The following ADCY10 variants were observed in gnomAD, a reference collection of about 807,000 sequenced individuals.
ADCY10 encodes the protein adenylate cyclase 10.
A neutral mutation model predicts 183.3 loss-of-function variants in ADCY10; 156 were observed. That is an observed-to-expected ratio of 0.85 (90% CI 0.75 to 0.97). The LOEUF is 0.97. Among genes scored for constraint, ADCY10 ranks in the 50% least tolerant of loss-of-function variants. The pLI, the probability that ADCY10 is intolerant of heterozygous loss-of-function variation, is 0.00. For missense variants in ADCY10, 1,745 were observed against 1,934.3 expected (o/e 0.90, Z 1.84); for synonymous variants, 645 against 670.0 (o/e 0.96, Z 0.58).
chr1:167,866,127 A>G (rs1246896543), intron 14 of ADCY10, among the ~76,000 whole-genome samples: 1 of 152,176 alleles, frequency 6.6e-6, no homozygotes, highest in Admixed American at 6.5e-5. Flanking sequence ...GTGTGGTGGT[A>G]TTGTGGTGGA....
chr1:167,867,977 C>T (rs1200248865), intron 14 of ADCY10, among the ~76,000 whole-genome samples: 3 of 152,026 alleles, frequency 2.0e-5, no homozygotes, highest in African/African-American at 7.3e-5. Context: ...TTAGTAATTA[C>T]AAATCCCTTA....
At chr1:167,898,382 C>A (rs1332909018) in intron 6 of ADCY10, among the ~76,000 whole-genome samples, 1 of 151,768 alleles carries the variant, frequency 6.6e-6, no homozygotes, top group Admixed American at 6.6e-5. Context: ...GGGTGGATCA[C>A]GAAGTCAGGA....
In ADCY10 at chr1:167,905,214, A is replaced by G; in HGVS notation, c.-58-16T>C. On this transcript the variant is annotated splice_polypyrimidine_tract_variant and intron_variant, in intron 1 of 32. Transcript: ENST00000367851. ...AATAGGTCTTCTAAAAAGAAAATTGAAATAGAGGAAATCTGATATATTCAT... is the reference window on the plus strand; with the variant it reads ...AATAGGTCTTCTAAAAAGAAAATTGGAATAGAGGAAATCTGATATATTCAT... 6.7e-7 allele frequency: 1 copy of G among 1,503,670 alleles called. No individual in the cohort carries two copies. 93.1% of individuals were successfully genotyped at this position (1,503,670 alleles called of 1,614,324 possible).
chr1:167,901,430 T>A (rs1415640682), intron 5 of ADCY10, among the ~76,000 whole-genome samples: 1 of 152,216 alleles, frequency 6.6e-6, no homozygotes. Flanking sequence ...CCATACCAAC[T>A]AATTTACTTT....
Position 167,899,498 on chromosome 1 carries a change from C to T in ADCY10, c.567G>A (p.Leu189=), listed in dbSNP as rs1467033036. ...CACAGAGCTGCCAGCAGTTTGGTGA[C>T]AGAATAACATCATTCATCTGAGCCA... is the stretch of plus-strand genomic sequence containing the variant. ...QNMAQMNDVI[L]SPNCWQLCDR... is the part of the protein sequence containing the mutation. The change falls in exon 6 of 33, where the codon CTG becomes CTA. Residue 189 remains leucine, a synonymous_variant. Coordinates refer to ENST00000367851, the MANE Select transcript of ADCY10 (RefSeq NM_018417.6). 1.2e-6 allele frequency: 2 copies of T among 1,614,086 alleles called. No homozygotes were observed. The highest frequency in any genetic ancestry group is 1.7e-6 in the Non-Finnish European group (2 of 1,180,042).
rs369627970 is a variant in ADCY10 at position 167,846,277 on chromosome 1, G to T, written c.2438-14C>A. On this transcript the variant is annotated splice_polypyrimidine_tract_variant and intron_variant, in intron 19 of 32. Coordinates refer to ENST00000367851, the MANE Select transcript of ADCY10 (RefSeq NM_018417.6). ...TCAGAGAGATTTCTGCAGGTAGAAGGCCACACAGTAGAAAACTAGTTATTT... is the reference window on the plus strand; with the variant it reads ...TCAGAGAGATTTCTGCAGGTAGAAGTCCACACAGTAGAAAACTAGTTATTT... 9.3e-6 allele frequency: 15 copies of T among 1,613,904 alleles called. No individual in the cohort carries two copies. Among genetic ancestry groups the T allele is most frequent in the African/African-American group, 1.3e-5 (1 of 74,916 alleles).
chr1:167,829,570 A>G, intron 25 of ADCY10, 147 bp from the exon 26 acceptor site: 1 of 852,308 alleles, frequency 1.2e-6, no homozygotes, highest in Non-Finnish European at 1.9e-6. Flanking sequence ...CTGACAAACA[A>G]GCACATTAAT....
intron 12 of ADCY10, among the ~76,000 whole-genome samples, chr1:167,875,713 G>A (rs1320399007): frequency 6.6e-6 from 1 of 152,246 alleles, no homozygotes; most frequent in East Asian, 1.9e-4. Flanking sequence ...CCCTTTGGGA[G>A]GCCGAGGTGG....
At chr1:167,850,289 C>A (rs976804703) in intron 18 of ADCY10, among the ~76,000 whole-genome samples, 3 of 151,714 alleles carry the variant, frequency 2.0e-5, no homozygotes, top group Admixed American at 2.0e-4. Flanking sequence ...GACAGAGACA[C>A]GAAGTACAGA....
chr1:167,881,978 A>G (rs914207286), intron 9 of ADCY10, among the ~76,000 whole-genome samples: 2 of 152,200 alleles, frequency 1.3e-5, no homozygotes, highest in Admixed American at 6.5e-5. Context: ...TTGTGTCAAT[A>G]TATGTGTTAC....
At chr1:167,909,350 A>C (rs1670008789) in intron 1 of ADCY10, among the ~76,000 whole-genome samples, 7 of 152,106 alleles carry the variant, frequency 4.6e-5, no homozygotes. Flanking sequence ...ATTCTTATTC[A>C]TGTGTTTTGG....
intron 7 of ADCY10, among the ~76,000 whole-genome samples, 162 bp downstream of exon 7, chr1:167,896,433 T>A (rs1233227124): frequency 6.6e-6 from 1 of 151,974 alleles, no homozygotes; most frequent in East Asian, 1.9e-4. Flanking sequence ...ATACTTAGAA[T>A]TGCTGTCCCG....
rs1669236000 is a variant in ADCY10 at position 167,899,460 on chromosome 1, A to G, written c.605T>C (p.Ile202Thr). 3.1e-6 allele frequency: 5 copies of G among 1,614,086 alleles called. No individual in the cohort carries two copies. Among genetic ancestry groups the G allele is most frequent in the Non-Finnish European group, 4.2e-6 (5 of 1,180,060 alleles). The change falls in exon 6 of 33, where the codon ATT (isoleucine) becomes ACT (threonine). Residue 202 changes from isoleucine (I) to threonine (T), a missense_variant. By Grantham distance (89) the Ile-to-Thr change is moderately conservative (BLOSUM62 -1). Transcript: ENST00000367851. The stretch of plus-strand genomic sequence containing the variant: ...CTGATCTGGAACACTCTCAATTTCA[A>G]TCATGCTCCGGTCACAGAGCTGCCA... Reference protein sequence around the residue: ...NCWQLCDRSMIEIESVPDQRA... With the variant: ...NCWQLCDRSMTEIESVPDQRA...
At chr1:167,879,340 G>A (rs940720353) in intron 11 of ADCY10, among the ~76,000 whole-genome samples, 2 of 152,162 alleles carry the variant, frequency 1.3e-5, no homozygotes, top group Admixed American at 1.3e-4. Flanking sequence ...CTGCTTGTAA[G>A]CCTTCAATTA....
At chr1:167,882,501 AAAAG>A (rs1265363161) in intron 9 of ADCY10, among the ~76,000 whole-genome samples, 1 of 151,774 alleles carries the variant, frequency 6.6e-6, no homozygotes. Flanking sequence ...AAAAAAAAAA[AAAAG>A]AACAGAGCGA....
rs1399262154 is a variant in ADCY10, at chr1:167,823,223, G to A, written c.4053-100C>T. On this transcript the variant is annotated intron_variant, in intron 28 of 32. Transcript: ENST00000367851. ...GGGTGGATCACGAGGTCAGGAGTTC[G>A]AGACCAGCCTGGCCAACATGGTGAA... 62 of 911,694 alleles carry A rather than the reference G, an allele frequency of 6.8e-5. 1 individual carries two copies. Among genetic ancestry groups the A allele is most frequent in the South Asian group, 6.0e-4 (45 of 74,960 alleles). The allele number at this position is 911,694 out of a possible 1,614,324, so 56.5% of individuals were successfully genotyped here.
chr1:167,871,702 C>A (rs542863287), intron 13 of ADCY10, among the ~76,000 whole-genome samples: 19 of 152,294 alleles, frequency 1.2e-4, no homozygotes, highest in African/African-American at 4.6e-4. Flanking sequence ...GTTGAAGGAC[C>A]ATTAATTCAA....
intron 1 of ADCY10, among the ~76,000 whole-genome samples, chr1:167,907,888 C>G (rs1669918381): frequency 6.6e-6 from 1 of 152,250 alleles, no homozygotes; most frequent in South Asian, 2.1e-4. Flanking sequence ...GCAATCACAC[C>G]TAATGGAAAT....
chr1:167,900,762 C>T (rs1669361026), intron 5 of ADCY10, among the ~76,000 whole-genome samples: 1 of 152,186 alleles, frequency 6.6e-6, no homozygotes, highest in Non-Finnish European at 1.5e-5. Flanking sequence ...AAACTCCTGA[C>T]CTCAGGTGAT....
Sources: gnomAD v4.1 joint callset for allele counts (sites outside exome capture counted in the v4.1 genomes callset) on GRCh38, gnomAD v4.1.1 for gene constraint, MANE v1.5 for transcripts, NCBI Gene and HGNC (gene_info 2026-07-23, HGNC 2026-07-21) for gene names.